Variants in CSMD3 observed in about 807,000 individuals in gnomAD.
CSMD3 encodes the protein CUB and sushi domain-containing protein 3.
In CSMD3, 177 loss-of-function variants were observed where a neutral mutation model predicts 435.2. The observed-to-expected ratio is 0.41, with a 90% CI of 0.36 to 0.46. The LOEUF is 0.46. Among genes scored for constraint, CSMD3 ranks in the 20% least tolerant of loss-of-function variants. The pLI is 0.34. For missense variants in CSMD3, 4,265 were observed against 4,504.6 expected (o/e 0.95, Z 1.52); for synonymous variants, 1,656 against 1,520.5 (o/e 1.09, Z -2.07).
At chr8:112,481,458 C>T (rs1450537769) in intron 31 of CSMD3, among the ~76,000 whole-genome samples, 1 of 151,952 alleles carries the variant, frequency 6.6e-6, no homozygotes, top group East Asian at 1.9e-4. Context: ...ATAAATTATT[C>T]ACAGAAAGCA....
intron 32 of CSMD3, among the ~76,000 whole-genome samples, chr8:112,468,003 C>A (rs1038067020): frequency 2.0e-5 from 3 of 152,128 alleles, no homozygotes; most frequent in Non-Finnish European, 2.9e-5. Context: ...GACATGAATA[C>A]ATCCTCTTTT....
intron 13 of CSMD3, among the ~76,000 whole-genome samples, chr8:112,792,731 G>A (rs1465780360): frequency 2.0e-5 from 3 of 152,044 alleles, no homozygotes; most frequent in African/African-American, 4.8e-5. Flanking sequence ...TATTGCATGA[G>A]TTAACAGTTA....
At position 113,098,248 on chromosome 8, in the gene CSMD3, A is replaced by T. The variant is rs185706999; in HGVS notation, c.917+508T>A. Among the ~76,000 whole-genome samples, 583 of 152,178 alleles carry T rather than the reference A, an allele frequency of 3.8e-3. 1 individual carries two copies. Among genetic ancestry groups the T allele is most frequent in the Non-Finnish European group, 6.7e-3 (454 of 67,928 alleles). ...AATCTACTCAATGATATAATTAGAT[A>T]CAAATTTTTAAAATAGCATAAAGAA... On this transcript the variant is annotated intron_variant, in intron 5 of 70. Coordinates refer to ENST00000297405, the MANE Select transcript of CSMD3 (RefSeq NM_198123.2).
chr8:112,849,425 A>AT (rs963583057), intron 11 of CSMD3, among the ~76,000 whole-genome samples: 2 of 152,046 alleles, frequency 1.3e-5, no homozygotes, highest in Non-Finnish European at 2.9e-5. Flanking sequence ...GAATTGTCTA[A>AT]TTAAAATCAT....
At chr8:113,225,580 C>T (rs1563571067) in intron 3 of CSMD3, among the ~76,000 whole-genome samples, 1 of 151,478 alleles carries the variant, frequency 6.6e-6, no homozygotes, top group Non-Finnish European at 1.5e-5. Context: ...TTCTACTCTT[C>T]TTTACTTATT....
chr8:112,429,215 C>A (rs1376206286), intron 32 of CSMD3, among the ~76,000 whole-genome samples: 7 of 152,056 alleles, frequency 4.6e-5, no homozygotes, highest in Non-Finnish European at 1.5e-5. Context: ...AATACCTCAA[C>A]CCCTGTTAAC....
At chr8:112,770,210 T>C (rs565215549) in intron 13 of CSMD3, among the ~76,000 whole-genome samples, 1 of 152,152 alleles carries the variant, frequency 6.6e-6, no homozygotes, top group East Asian at 1.9e-4. Context: ...ACCTCCAGAA[T>C]TCATGTTAAA....
chr8:112,438,572 A>C (rs1056030461), intron 32 of CSMD3, among the ~76,000 whole-genome samples: 1 of 152,176 alleles, frequency 6.6e-6, no homozygotes, highest in Non-Finnish European at 1.5e-5. Flanking sequence ...GCAGAGCAAT[A>C]GTTACTTTAA....
At chr8:112,512,901 G>A (rs934753418) in intron 28 of CSMD3, among the ~76,000 whole-genome samples, 68 of 152,132 alleles carry the variant, frequency 4.5e-4, no homozygotes, top group African/African-American at 1.0e-3. Flanking sequence ...ACATATTCAC[G>A]TTCCACTTTA....
chr8:112,239,869 G>T (rs150185176), intron 66 of CSMD3, among the ~76,000 whole-genome samples: 2 of 151,924 alleles, frequency 1.3e-5, no homozygotes, highest in African/African-American at 4.8e-5. Context: ...TGTTTTGGGC[G>T]GTTGCCTGTT....
chr8:113,299,311 T>A (rs935509842), intron 2 of CSMD3, among the ~76,000 whole-genome samples: 2 of 152,186 alleles, frequency 1.3e-5, no homozygotes, highest in Admixed American at 6.5e-5. Flanking sequence ...TTCCTTTTTT[T>A]GCTGCTCATG....
At chr8:112,232,065 T>C (rs770219361) in intron 68 of CSMD3, among the ~76,000 whole-genome samples, 2 of 152,174 alleles carry the variant, frequency 1.3e-5, no homozygotes, top group Non-Finnish European at 1.5e-5. Flanking sequence ...CTTGGGCCTA[T>C]GGAGTGTGGG....
intron 6 of CSMD3, among the ~76,000 whole-genome samples, chr8:113,002,436 G>A (rs1395304353): frequency 1.3e-5 from 2 of 152,064 alleles, no homozygotes; most frequent in East Asian, 3.9e-4. Flanking sequence ...ATAAATAAAT[G>A]CTCATTCTCA....
chr8:113,361,275 T>C (rs2094274166), intron 1 of CSMD3, among the ~76,000 whole-genome samples: 1 of 152,120 alleles, frequency 6.6e-6, no homozygotes, highest in African/African-American at 2.4e-5. Context: ...TGCTCATACA[T>C]TAATTTTAAA....
At chr8:112,761,590 A>G (rs956102785) in intron 13 of CSMD3, among the ~76,000 whole-genome samples, 3 of 152,102 alleles carry the variant, frequency 2.0e-5, no homozygotes, top group Admixed American at 6.6e-5. Context: ...TTTGTATGAA[A>G]GCAGTTTAAA....
chr8:113,064,891 C>A (rs988382904), intron 5 of CSMD3, among the ~76,000 whole-genome samples: 1 of 151,958 alleles, frequency 6.6e-6, no homozygotes, highest in African/African-American at 2.4e-5. Flanking sequence ...ATTATATTGA[C>A]AAAAGATTGC....
chr8:113,309,890 G>A (rs541896426), intron 2 of CSMD3: 28 of 152,330 alleles, frequency 1.8e-4, no homozygotes, highest in African/African-American at 6.5e-4. Context: ...GTGATGTCAG[G>A]CTGTTCTGGC....
At chr8:113,216,421 G>C (rs1283409677) in intron 3 of CSMD3, among the ~76,000 whole-genome samples, 1 of 151,836 alleles carries the variant, frequency 6.6e-6, no homozygotes, top group Non-Finnish European at 1.5e-5. Context: ...ATTTGAACAA[G>C]GTATGAGGTA....
chr8:112,314,921 C>G (rs189830687), intron 47 of CSMD3, among the ~76,000 whole-genome samples: 6 of 151,820 alleles, frequency 4.0e-5, no homozygotes, highest in Non-Finnish European at 7.4e-5. Context: ...TTTTCCCAAC[C>G]TCTCCTAATC....
Sources: allele counts gnomAD v4.1 joint callset (sites outside exome capture counted in the v4.1 genomes callset), GRCh38; gene constraint gnomAD v4.1.1; transcripts MANE v1.5; gene names NCBI Gene and HGNC (gene_info 2026-07-23, HGNC 2026-07-21).